MAPK4: variants seen among roughly 807,000 people sequenced by gnomAD.
MAPK4 encodes the protein Erk3-related.
In MAPK4, 22 loss-of-function variants were observed where a neutral mutation model predicts 47.7. The observed-to-expected ratio is 0.46, with a 90% confidence interval of 0.33 to 0.66. The LOEUF (loss-of-function observed/expected upper bound fraction) is 0.66. Ranked by LOEUF, MAPK4 falls within the 30% of genes least tolerant of loss-of-function variation. The probability of loss-of-function intolerance (pLI) is 0.02; values close to 1 mark genes in which losing one functional copy is unlikely to be tolerated. For missense variants in MAPK4, 736 were observed against 831.7 expected (o/e 0.88, Z 1.42); for synonymous variants, 390 against 365.7 (o/e 1.07, Z -0.76).
intron 2 of MAPK4, among the ~76,000 whole-genome samples, chr18:50,692,453 G>A (rs11662889): frequency 0.16 from 23,823 of 152,144 alleles, 2,238 homozygotes; most frequent in East Asian, 0.27. Context: ...CAGTAGCAGG[G>A]ACGAGCCCTG....
chr18:50,599,461 C>T (rs1053866874), intron 1 of MAPK4, among the ~76,000 whole-genome samples: 2 of 152,090 alleles, frequency 1.3e-5, no homozygotes, highest in Non-Finnish European at 2.9e-5. Flanking sequence ...CGCTGTCGCC[C>T]AGGTTGGAGT....
chr18:50,668,693 T>G (rs536304206), intron 2 of MAPK4, among the ~76,000 whole-genome samples: 1 of 152,340 alleles, frequency 6.6e-6, no homozygotes, highest in East Asian at 1.9e-4. Flanking sequence ...CTGCATGACC[T>G]TGGGCAAGTC....
chr18:50,647,315 C>T (rs1234974218), intron 1 of MAPK4, among the ~76,000 whole-genome samples: 2 of 152,184 alleles, frequency 1.3e-5, no homozygotes, highest in Non-Finnish European at 2.9e-5. Context: ...CTGTAAGCTA[C>T]ACAGTGTCTT....
chr18:50,566,102 C>T (rs1294202286), intron 1 of MAPK4, among the ~76,000 whole-genome samples: 1 of 152,096 alleles, frequency 6.6e-6, no homozygotes, highest in South Asian at 2.1e-4. Flanking sequence ...CCTGGCCCTG[C>T]ACAAGACTGA....
chr18:50,687,754 C>T (rs531610709), intron 2 of MAPK4, among the ~76,000 whole-genome samples: 23 of 152,282 alleles, frequency 1.5e-4, no homozygotes, highest in Admixed American at 7.2e-4. Flanking sequence ...ACAAGCAAAA[C>T]CCCCACAGAA....
intron 1 of MAPK4, among the ~76,000 whole-genome samples, chr18:50,655,632 TC>T (rs2043101360): frequency 6.6e-6 from 1 of 151,838 alleles, no homozygotes; most frequent in South Asian, 2.1e-4. Context: ...TTCCTGGGGG[TC>T]CCCCTGCCGC....
At chr18:50,569,031 A>C (rs1185028468) in intron 1 of MAPK4, among the ~76,000 whole-genome samples, 1 of 152,132 alleles carries the variant, frequency 6.6e-6, no homozygotes, top group Non-Finnish European at 1.5e-5. Flanking sequence ...TAATTTTTCT[A>C]TCTGGAATTC....
chr18:50,613,992 CA>C (rs1216024895), intron 1 of MAPK4, among the ~76,000 whole-genome samples: 4 of 152,122 alleles, frequency 2.6e-5, no homozygotes, highest in Non-Finnish European at 5.9e-5. Context: ...ATATTCTATT[CA>C]ACTATATTGA....
chr18:50,608,914 G>A (rs1470747945), intron 1 of MAPK4, among the ~76,000 whole-genome samples: 1 of 151,752 alleles, frequency 6.6e-6, no homozygotes, highest in African/African-American at 2.4e-5. Context: ...ATTAGGGAGT[G>A]GTGATGACTC....
chr18:50,719,651 GCT>G (rs1910829110), intron 3 of MAPK4, among the ~76,000 whole-genome samples: 1 of 152,152 alleles, frequency 6.6e-6, no homozygotes, highest in East Asian at 1.9e-4. Flanking sequence ...TGAACCCTCA[GCT>G]CACAGGGCTG....
At chr18:50,630,621 A>C (rs1468375625) in intron 1 of MAPK4, among the ~76,000 whole-genome samples, 2 of 152,124 alleles carry the variant, frequency 1.3e-5, no homozygotes, top group Non-Finnish European at 2.9e-5. Context: ...CACATCCTTC[A>C]AGGTCCTAAC....
intron 1 of MAPK4, among the ~76,000 whole-genome samples, chr18:50,621,784 G>A (rs2042733964): frequency 6.6e-6 from 1 of 152,232 alleles, no homozygotes; most frequent in African/African-American, 2.4e-5. Flanking sequence ...CTTTGCTTAT[G>A]ATTTCCCTGG....
intron 3 of MAPK4, among the ~76,000 whole-genome samples, chr18:50,715,589 A>G (rs114754610): frequency 0.011 from 1,639 of 152,226 alleles, 30 homozygotes; most frequent in African/African-American, 0.037. Context: ...CATGAATGGG[A>G]TTAGTGCCCT....
intron 1 of MAPK4, among the ~76,000 whole-genome samples, chr18:50,586,765 A>T (rs1014314544): frequency 2.6e-5 from 4 of 152,114 alleles, no homozygotes; most frequent in African/African-American, 9.7e-5. Flanking sequence ...CTACTGATCC[A>T]GGGCAAGACC....
chr18:50,729,766 A>G lies in MAPK4; in HGVS notation c.1676A>G (p.Asn559Ser). The change falls in exon 6 of 6, where the codon AAT (asparagine) becomes AGT (serine). Residue 559 changes from asparagine to serine, a missense_variant. Transcript: ENST00000400384. ...LCTKPEDLPD[N>S]KLGDLNGACI... ...ACCAAGCCCGAGGACCTGCCGGACA[A>G]TAAACTGGGCGACCTCAATGGTGCG... 3 of 1,611,638 alleles carry G rather than the reference A, an allele frequency of 1.9e-6. No individual in the cohort carries two copies. Among genetic ancestry groups the G allele is most frequent in the Non-Finnish European group, 2.5e-6 (3 of 1,179,534 alleles).
rs1362663682 is a variant in MAPK4, at chr18:50,631,117, C to T, written c.-870-31972C>T. ...TCCCGGCCGAGGTCAGACAGGGTGA[C>T]ACGCTGCCTTCTGGTTTCAGCTCTC... On this transcript the variant is annotated intron_variant, in intron 1 of 5. Coordinates refer to ENST00000400384, the MANE Select transcript of MAPK4 (RefSeq NM_002747.4). 4.8e-4 allele frequency among the ~76,000 whole-genome samples: 73 copies of T among 152,214 alleles called. 2 individuals carry two copies. The highest frequency in any genetic ancestry group is 4.8e-3 in the Admixed American group (73 of 15,290).
At chr18:50,650,513 G>C (rs1421245235) in intron 1 of MAPK4, among the ~76,000 whole-genome samples, 1 of 152,200 alleles carries the variant, frequency 6.6e-6, no homozygotes, top group Non-Finnish European at 1.5e-5. Flanking sequence ...GGTTACACCT[G>C]AACAGAGGCA....
At position 50,664,123 on chromosome 18, in the gene MAPK4, T is replaced by G; in HGVS notation, c.165T>G (p.Asp55Glu). 1.9e-6 allele frequency: 3 copies of G among 1,614,166 alleles called. No homozygotes were observed. The highest frequency in any genetic ancestry group is 2.5e-6 in the Non-Finnish European group (3 of 1,180,034). ...KVAVKKIALS[D>E]ARSMKHALRE... ...CTGTGAAGAAGATTGCCCTGAGCGA[T>G]GCCCGCAGCATGAAGCACGCGCTCC... Residue 55 changes from aspartate to glutamate, a missense_variant, in exon 2 of 6, where the codon GAT becomes GAG. Physicochemically the swap from Asp to Glu is conservative, Grantham distance 45 (BLOSUM62 2). Transcript: ENST00000400384. The surrounding 1 kb of genome is among the most constrained non-coding windows in gnomAD (Gnocchi z 6.0).
intron 5 of MAPK4, among the ~76,000 whole-genome samples, chr18:50,726,578 C>T (rs1310001309): frequency 6.6e-6 from 1 of 152,134 alleles, no homozygotes; most frequent in Non-Finnish European, 1.5e-5. Flanking sequence ...AACGCTATCT[C>T]ATGTTTCATG....
Sources: allele counts gnomAD v4.1 joint callset (sites outside exome capture counted in the v4.1 genomes callset), GRCh38; gene constraint gnomAD v4.1.1; non-coding constraint Gnocchi (gnomAD v3.1); transcripts MANE v1.5; gene names NCBI Gene and HGNC (gene_info 2026-07-23, HGNC 2026-07-21).